Variants in FHIT observed in about 807,000 individuals in gnomAD.
The protein encoded by FHIT is fragile histidine triad diadenosine triphosphatase.
In FHIT, 19 loss-of-function variants were observed where a neutral mutation model predicts 17.9. That is an observed-to-expected ratio of 1.06 (90% CI 0.74 to 1.56). The LOEUF (loss-of-function observed/expected upper bound fraction) is 1.56. FHIT is among the 40% of genes most tolerant of loss of function. The probability of loss-of-function intolerance (pLI) is 0.00; values close to 1 mark genes in which losing one functional copy is unlikely to be tolerated. For missense variants in FHIT, 248 were observed against 189.2 expected, an observed-to-expected ratio of 1.31 and a Z score of -1.82; for synonymous variants, 81 against 69.7, an observed-to-expected ratio of 1.16 and a Z score of -0.81.
intron 5 of FHIT, among the ~76,000 whole-genome samples, chr3:60,507,957 T>TA (rs764460193): frequency 3.3e-5 from 5 of 152,224 alleles, no homozygotes; most frequent in Non-Finnish European, 7.3e-5. Context: ...ATATCTTTGC[T>TA]ATTGTGAATA....
intron 5 of FHIT, among the ~76,000 whole-genome samples, chr3:60,342,543 G>C (rs78356593): frequency 6.6e-6 from 1 of 152,148 alleles, no homozygotes; most frequent in African/African-American, 2.4e-5. Flanking sequence ...TTAATAGATT[G>C]AATATTCTTC....
At position 60,630,956 on chromosome 3, in the gene FHIT, A is replaced by C. The variant is rs1425635025; in HGVS notation, c.-17-93977T>G. Among the ~76,000 whole-genome samples, 35 of 85,454 alleles carry C rather than the reference A, an allele frequency of 4.1e-4. 1 individual carries two copies. The highest frequency in any genetic ancestry group is 1.6e-3 in the African/African-American group (28 of 17,702). 56.1% of individuals were successfully genotyped at this position (85,454 alleles called of 152,430 possible). A position where few individuals can be genotyped will look rare whatever the true frequency, so the allele number is the denominator to read the frequency against. ...CATTAAAAAAAAAAAAAAAAAAAAA[A>C]CACACAGAAATAACTGAGTAAAAAA... is the stretch of plus-strand genomic sequence containing the variant. On this transcript the variant is annotated intron_variant, in intron 4 of 9. Transcript: ENST00000492590.
intron 5 of FHIT, among the ~76,000 whole-genome samples, chr3:60,270,721 G>A (rs1390812710): frequency 2.0e-5 from 3 of 152,208 alleles, no homozygotes; most frequent in East Asian, 3.9e-4. Flanking sequence ...CAGTTTCAGA[G>A]ATTAGTTCGG....
At chr3:61,032,223 C>T (rs2033041844) in intron 3 of FHIT, among the ~76,000 whole-genome samples, 1 of 152,160 alleles carries the variant, frequency 6.6e-6, no homozygotes, top group African/African-American at 2.4e-5. Context: ...ATACAGTAAA[C>T]TTGTCCACAT....
intron 4 of FHIT, among the ~76,000 whole-genome samples, chr3:60,688,682 T>A (rs1287042589): frequency 1.3e-5 from 2 of 152,104 alleles, no homozygotes; most frequent in African/African-American, 4.8e-5. Flanking sequence ...TCCACCCACC[T>A]CAGCCTCCCA....
intron 2 of FHIT, among the ~76,000 whole-genome samples, chr3:61,159,288 T>C (rs927150160): frequency 6.6e-6 from 1 of 152,156 alleles, no homozygotes; most frequent in South Asian, 2.1e-4. Flanking sequence ...TGAAAATAGG[T>C]AGAATATGTT....
intron 5 of FHIT, among the ~76,000 whole-genome samples, chr3:60,304,372 A>G (rs935838864): frequency 5.9e-5 from 9 of 151,950 alleles, no homozygotes; most frequent in African/African-American, 2.2e-4. Flanking sequence ...GGCTTATTGG[A>G]GCAAATGACC....
chr3:60,127,281 A>T (rs1000679475), intron 5 of FHIT, among the ~76,000 whole-genome samples: 4 of 152,180 alleles, frequency 2.6e-5, no homozygotes, highest in Admixed American at 2.0e-4. Context: ...TAGATAATTG[A>T]TTTCCACTTT....
At chr3:60,187,320 C>T (rs564259935) in intron 5 of FHIT, among the ~76,000 whole-genome samples, 3 of 152,222 alleles carry the variant, frequency 2.0e-5, no homozygotes, top group African/African-American at 4.8e-5. Context: ...AGTTACCACA[C>T]GTAATACAGA....
chr3:60,130,994 CATATATACATATGTGT>C (rs1417509921), intron 5 of FHIT, among the ~76,000 whole-genome samples: 59 of 106,626 alleles, frequency 5.5e-4, no homozygotes, highest in Middle Eastern at 9.3e-3. Flanking sequence ...CATATATACA[CATATATACATATGTGT>C]ATATATACAC....
intron 8 of FHIT, among the ~76,000 whole-genome samples, chr3:59,871,046 G>A (rs2106903249): frequency 6.6e-6 from 1 of 152,166 alleles, no homozygotes; most frequent in African/African-American, 2.4e-5. Flanking sequence ...TATATACTTG[G>A]ATGTCATGGT....
chr3:59,845,130 T>G (rs1356261808), intron 8 of FHIT, among the ~76,000 whole-genome samples: 5 of 152,186 alleles, frequency 3.3e-5, no homozygotes, highest in Non-Finnish European at 7.4e-5. Flanking sequence ...TTGATAGCAA[T>G]GTCCTCACTT....
chr3:60,514,351 T>C (rs1049444496), intron 5 of FHIT, among the ~76,000 whole-genome samples: 5 of 152,210 alleles, frequency 3.3e-5, no homozygotes, highest in Non-Finnish European at 7.3e-5. Flanking sequence ...GTTCCAGTGT[T>C]CCTTCACTCC....
intron 3 of FHIT, among the ~76,000 whole-genome samples, chr3:60,864,908 G>C (rs959970159): frequency 2.0e-5 from 3 of 151,954 alleles, no homozygotes; most frequent in Admixed American, 6.6e-5. Flanking sequence ...TGAGGATAAA[G>C]GGTAGATGCA....
intron 7 of FHIT, among the ~76,000 whole-genome samples, chr3:59,966,212 A>G (rs1559504734): frequency 6.6e-6 from 1 of 152,174 alleles, no homozygotes; most frequent in African/African-American, 2.4e-5. Context: ...GGCAAAAACT[A>G]GAAGCTGGCA....
chr3:60,279,393 T>C (rs1707320778), intron 5 of FHIT, among the ~76,000 whole-genome samples: 1 of 152,156 alleles, frequency 6.6e-6, no homozygotes, highest in Admixed American at 6.5e-5. Context: ...TCTGTATCTT[T>C]TTAAAACATT....
chr3:60,509,867 G>C, intron 5 of FHIT, among the ~76,000 whole-genome samples: 1 of 152,126 alleles, frequency 6.6e-6, no homozygotes, highest in East Asian at 1.9e-4. Context: ...TTGTCTTACA[G>C]TTTTTTTGTT....
intron 1 of FHIT, among the ~76,000 whole-genome samples, chr3:61,214,603 T>A (rs915096553): frequency 6.9e-4 from 105 of 152,152 alleles, no homozygotes; most frequent in African/African-American, 2.5e-3. Context: ...TACCATTCCT[T>A]CTGAAACTAT....
chr3:59,956,079 C>T (rs1201040411), intron 7 of FHIT, among the ~76,000 whole-genome samples: 2 of 152,226 alleles, frequency 1.3e-5, no homozygotes, highest in African/African-American at 4.8e-5. Context: ...TATCATTTGG[C>T]TGCATTTCTA....
Sources: allele counts gnomAD v4.1 joint callset (sites outside exome capture counted in the v4.1 genomes callset), GRCh38; gene constraint gnomAD v4.1.1; transcripts MANE v1.5; gene names NCBI Gene and HGNC (gene_info 2026-07-23, HGNC 2026-07-21).